CHD7: variants seen among roughly 807,000 people sequenced by gnomAD.
The protein encoded by CHD7 is ATP-dependent chromatin remodeler CHD7.
In CHD7, 24 loss-of-function variants were observed where a neutral mutation model predicts 307.3. The observed-to-expected ratio is 0.08, with a 90% confidence interval of 0.06 to 0.11. The LOEUF (loss-of-function observed/expected upper bound fraction) is 0.11, where lower values mean the gene tolerates loss of function less well. CHD7 is among the 10% of genes least tolerant of loss of function. The pLI is 1.00. For synonymous variants in CHD7, 1,363 were observed against 1,349.9 expected (o/e 1.01, Z -0.21); for missense variants, 3,106 against 3,727.1 (o/e 0.83, Z 4.34).
At chr8:60,683,499 AAG>A in intron 1 of CHD7, among the ~76,000 whole-genome samples, 1 of 152,358 alleles carries the variant, frequency 6.6e-6, no homozygotes, top group South Asian at 2.1e-4. Context: ...GCATGATAAA[AAG>A]AAGAAATAGA....
At chr8:60,723,743 T>G (rs1453075481) in intron 1 of CHD7, among the ~76,000 whole-genome samples, 1 of 152,228 alleles carries the variant, frequency 6.6e-6, no homozygotes, top group Non-Finnish European at 1.5e-5. Flanking sequence ...AGTTATGACT[T>G]TAAGTTTACT....
intron 1 of CHD7, among the ~76,000 whole-genome samples, chr8:60,725,992 C>T (rs1200440188): frequency 6.6e-6 from 1 of 152,148 alleles, no homozygotes; most frequent in Non-Finnish European, 1.5e-5. Context: ...TGGTTTACAA[C>T]AGTTGGCATC....
intron 2 of CHD7, among the ~76,000 whole-genome samples, chr8:60,759,137 A>G (rs1263210411): frequency 6.6e-6 from 1 of 151,958 alleles, no homozygotes; most frequent in Non-Finnish European, 1.5e-5. Context: ...CTGCTGGTTT[A>G]AAGGGAAGTT....
intron 31 of CHD7, among the ~76,000 whole-genome samples, chr8:60,853,974 T>A (rs547780938): frequency 6.6e-6 from 1 of 152,330 alleles, no homozygotes; most frequent in African/African-American, 2.4e-5. Flanking sequence ...TGGCCCAGAA[T>A]AAAAATAGAG....
At chr8:60,735,667 AG>A (rs1239658694) in intron 1 of CHD7, among the ~76,000 whole-genome samples, 2 of 152,238 alleles carry the variant, frequency 1.3e-5, no homozygotes, top group Admixed American at 6.5e-5. Context: ...TTCATCCCAA[AG>A]GGTAGATATG....
chr8:60,734,392 C>T (rs1808603007), intron 1 of CHD7, among the ~76,000 whole-genome samples: 1 of 152,176 alleles, frequency 6.6e-6, no homozygotes, highest in Admixed American at 6.5e-5. Flanking sequence ...GGCAAGGCTC[C>T]AGTCGCCAGA....
intron 1 of CHD7, among the ~76,000 whole-genome samples, chr8:60,730,728 C>T (rs904658585): frequency 2.6e-5 from 4 of 151,930 alleles, no homozygotes; most frequent in Admixed American, 1.3e-4. Context: ...GTCATAGTGG[C>T]GGGCGCCTGT....
chr8:60,825,784 A>G (rs1277498663), intron 13 of CHD7, among the ~76,000 whole-genome samples: 3 of 151,968 alleles, frequency 2.0e-5, no homozygotes, highest in African/African-American at 4.8e-5. Flanking sequence ...ACATTATTTC[A>G]TTGGTGAGTA....
chr8:60,802,626 A>G (rs1402465487), intron 6 of CHD7, among the ~76,000 whole-genome samples: 2 of 152,240 alleles, frequency 1.3e-5, no homozygotes, highest in Non-Finnish European at 2.9e-5. Context: ...TGCTGGGATT[A>G]CAGGTGTGAG....
intron 1 of CHD7, among the ~76,000 whole-genome samples, chr8:60,687,259 C>A (rs535006520): frequency 6.6e-6 from 1 of 152,036 alleles, no homozygotes; most frequent in Admixed American, 6.5e-5. Context: ...TGCTTGCTAG[C>A]ATACTAAGTG....
rs76265220 is a variant in CHD7 at position 60,810,974 on chromosome 8, G to C, written c.2498+2702G>C. 2.7e-4 allele frequency among the ~76,000 whole-genome samples: 41 copies of C among 152,280 alleles called. 1 individual carries two copies. The East Asian group carries it at 7.9e-3, about 29-fold the overall frequency. On this transcript the variant is annotated intron_variant, in intron 7 of 37. Transcript: ENST00000423902. ...GTTTCTCATAGGAACGTGAACTCTGGTTGTGAACTGTGCATGCGAAGGATC... is the reference window on the plus strand; with the variant it reads ...GTTTCTCATAGGAACGTGAACTCTGCTTGTGAACTGTGCATGCGAAGGATC...
intron 3 of CHD7, among the ~76,000 whole-genome samples, chr8:60,785,415 T>A (rs1811446420): frequency 6.6e-6 from 1 of 152,230 alleles, no homozygotes; most frequent in Non-Finnish European, 1.5e-5. Flanking sequence ...TATTTTTACA[T>A]GCTACTCTTA....
intron 6 of CHD7, among the ~76,000 whole-genome samples, chr8:60,807,011 C>T (rs1202005106): frequency 6.6e-6 from 1 of 152,030 alleles, no homozygotes; most frequent in Non-Finnish European, 1.5e-5. Context: ...GGTGACAAAG[C>T]AAATCCTATC....
At chr8:60,723,070 G>GA (rs1350214760) in intron 1 of CHD7, among the ~76,000 whole-genome samples, 1 of 152,014 alleles carries the variant, frequency 6.6e-6, no homozygotes, top group Non-Finnish European at 1.5e-5. Flanking sequence ...TTGGTTTAAT[G>GA]AGTTACATAA....
intron 1 of CHD7, among the ~76,000 whole-genome samples, chr8:60,692,140 T>C (rs532748127): frequency 2.0e-5 from 3 of 152,374 alleles, no homozygotes; most frequent in Admixed American, 6.5e-5. Context: ...CCATCATTCA[T>C]ATTATAAGAA....
intron 7 of CHD7, among the ~76,000 whole-genome samples, chr8:60,811,471 C>T (rs1812803237): frequency 6.6e-6 from 1 of 152,118 alleles, no homozygotes; most frequent in African/African-American, 2.4e-5. Flanking sequence ...ACACTACATC[C>T]TGGAAATCAC....
At chr8:60,744,986 G>A (rs1324044954) in intron 2 of CHD7, among the ~76,000 whole-genome samples, 1 of 150,538 alleles carries the variant, frequency 6.6e-6, no homozygotes, top group African/African-American at 2.4e-5. Context: ...AGGACAAGTA[G>A]TGGCTTCAGG....
intron 7 of CHD7, among the ~76,000 whole-genome samples, chr8:60,816,127 C>CTG (rs1803733335): frequency 6.9e-6 from 1 of 145,264 alleles, no homozygotes; most frequent in Non-Finnish European, 1.5e-5. Context: ...CTCTCTCTCT[C>CTG]TCTCTCTCTC....
intron 9 of CHD7, among the ~76,000 whole-genome samples, chr8:60,821,190 T>C (rs968432358): frequency 3.7e-4 from 57 of 152,218 alleles, no homozygotes; most frequent in African/African-American, 1.4e-3. Flanking sequence ...CATTGAAATA[T>C]GCTAAGATGA....
Sources: gnomAD v4.1 joint callset for allele counts (sites outside exome capture counted in the v4.1 genomes callset) on GRCh38, gnomAD v4.1.1 for gene constraint, MANE v1.5 for transcripts, NCBI Gene and HGNC (gene_info 2026-07-23, HGNC 2026-07-21) for gene names.